Variants in TNRC18 observed in about 807,000 individuals in gnomAD.
The protein encoded by TNRC18 is trinucleotide repeat containing 18.
In TNRC18, 69 loss-of-function variants were observed where a neutral mutation model predicts 226.7. That is an observed-to-expected ratio of 0.30 (90% confidence interval 0.25 to 0.37). The LOEUF (loss-of-function observed/expected upper bound fraction) is 0.37, where lower values mean the gene tolerates loss of function less well. Ranked by LOEUF, TNRC18 falls within the 10% of genes least tolerant of loss-of-function variation. The pLI, the probability that TNRC18 is intolerant of heterozygous loss-of-function variation, is 1.00. For synonymous variants in TNRC18, 2,449 were observed against 1,927.6 expected (o/e 1.27, Z -7.09); for missense variants, 4,754 against 4,256.6 (o/e 1.12, Z -3.25).
At chr7:5,363,034 C>A (rs1409011387) in intron 11 of TNRC18, among the ~76,000 whole-genome samples, 3 of 152,240 alleles carry the variant, frequency 2.0e-5, no homozygotes, top group Admixed American at 2.0e-4. Context: ...TGGCTCACGC[C>A]TGTAATCCCA....
At position 5,316,068 on chromosome 7, in the gene TNRC18, T is replaced by G; in HGVS notation, c.6750A>C (p.Leu2250Phe). 1.9e-6 allele frequency: 3 copies of G among 1,611,098 alleles called. No individual in the cohort carries two copies. Among genetic ancestry groups the G allele is most frequent in the Non-Finnish European group, 2.5e-6 (3 of 1,178,656 alleles). ...CLYPGTVVRG[L>F]LDLEDDGDLI... is the part of the protein sequence containing the mutation. ...AGTCCCCATCGTCCTCCAGGTCCAG[T>G]AACCCTGTGGGAAGAGGGGAGGCTC... The change falls in exon 25 of 30, where the codon TTA (leucine) becomes TTC (phenylalanine). Residue 2250 changes from leucine (L) to phenylalanine (F), a missense_variant. Leu to Phe is a conservative substitution (Grantham distance 22). Coordinates refer to ENST00000430969, the MANE Select transcript of TNRC18 (RefSeq NM_001080495.3).
Position 5,389,199 on chromosome 7 carries a change from G to T in TNRC18, c.625C>A (p.Arg209=). The T allele has an allele frequency of 1.5e-6, 2 of 1,330,756 alleles. No individual in the cohort carries two copies. The highest frequency in any genetic ancestry group is 3.4e-5 in the East Asian group (1 of 29,022). The allele number at this position is 1,330,756 out of a possible 1,614,324, so 82.4% of individuals were successfully genotyped here. A position where few individuals can be genotyped will look rare whatever the true frequency, so the allele number is the denominator to read the frequency against. ...SSSRDGPAKE[R]AGRGGEPPPL... is the part of the protein sequence containing the mutation. ...GGCGGCTCCCCGCCGCGGCCCGCCC[G>T]CTCCTTGGCTGGACCGTCCCGCGAC... Residue 209 remains arginine, a synonymous_variant, in exon 5 of 30, where the codon CGG becomes AGG. Coordinates refer to ENST00000430969, the MANE Select transcript of TNRC18 (RefSeq NM_001080495.3).
intron 2 of TNRC18, among the ~76,000 whole-genome samples, chr7:5,396,950 T>A (rs532801401): frequency 6.6e-6 from 1 of 152,206 alleles, no homozygotes; most frequent in Non-Finnish European, 1.5e-5. Context: ...CCAACCCATC[T>A]TCTTTGGGGT....
In TNRC18 at chr7:5,388,366, T is replaced by A. The variant is rs1779980339; in HGVS notation, c.1458A>T (p.Ala486=). The A allele has an allele frequency of 1.3e-6, 2 of 1,562,282 alleles. No individual in the cohort carries two copies. Among genetic ancestry groups the A allele is most frequent in the East Asian group, 2.4e-5 (1 of 42,068 alleles). Residue 486 remains alanine, a synonymous_variant, in exon 5 of 30, where the codon GCA becomes GCT. Coordinates refer to ENST00000430969, the MANE Select transcript of TNRC18 (RefSeq NM_001080495.3). ...CGAAGAGCTTGGCGGCCTGTTGGGCTGCAGGACCGGCTGGGCCGCGGGGCG... is the reference window on the plus strand; with the variant it reads ...CGAAGAGCTTGGCGGCCTGTTGGGCAGCAGGACCGGCTGGGCCGCGGGGCG... ...ERAPRGPAGP[A]AQQAAKLFGL... is the part of the protein sequence containing the mutation.
chr7:5,317,391 G>A (rs1440315525), intron 24 of TNRC18, among the ~76,000 whole-genome samples: 1 of 152,090 alleles, frequency 6.6e-6, no homozygotes, highest in Non-Finnish European at 1.5e-5. Context: ...CGAGTTCGAG[G>A]CCAGTCAGGC....
intron 21 of TNRC18, among the ~76,000 whole-genome samples, chr7:5,322,710 C>G (rs1295350380): frequency 1.3e-5 from 2 of 152,262 alleles, no homozygotes; most frequent in Non-Finnish European, 2.9e-5. Context: ...CTCTCCCTGC[C>G]CCTGCCAAGA....
At chr7:5,415,670 C>T (rs1323521885) in intron 2 of TNRC18, among the ~76,000 whole-genome samples, 1 of 151,340 alleles carries the variant, frequency 6.6e-6, no homozygotes, top group Non-Finnish European at 1.5e-5. Context: ...CGTGAGCCAC[C>T]GTGCCCAGCC....
Position 5,376,364 on chromosome 7 carries a change from C to G in TNRC18, c.2609-140G>C, listed in dbSNP as rs1020249015. 1.0e-5 allele frequency: 8 copies of G among 771,278 alleles called. No individual in the cohort carries two copies. The African/African-American group carries it at 1.3e-4, about 12-fold the overall frequency. The allele number at this position is 771,278 out of a possible 1,614,324, so 47.8% of individuals were successfully genotyped here. Reference sequence around the variant, plus strand: ...CTCTCTGCGGGCCCCCGGCTGCTCCCCAGGGGCCAGGAAGTTTGTCCTGTC... The same window carrying G: ...CTCTCTGCGGGCCCCCGGCTGCTCCGCAGGGGCCAGGAAGTTTGTCCTGTC... On this transcript the variant is annotated intron_variant, in intron 8 of 29. Transcript: ENST00000430969.
intron 18 of TNRC18, among the ~76,000 whole-genome samples, chr7:5,340,617 C>A (rs1483165847): frequency 6.7e-6 from 1 of 149,982 alleles, no homozygotes; most frequent in African/African-American, 2.4e-5. Context: ...GTGGCGGGTG[C>A]CTGTAATCCC....
Position 5,390,538 on chromosome 7 carries a change from T to A in TNRC18, c.434A>T (p.Gln145Leu), listed in dbSNP as rs1397572668. The A allele has an allele frequency of 1.2e-6, 2 of 1,613,640 alleles. No homozygotes were observed. The highest frequency in any genetic ancestry group is 1.7e-4 in the Middle Eastern group (1 of 6,060). Residue 145 changes from glutamine to leucine, a missense_variant, in exon 4 of 30, where the codon CAG becomes CTG. Coordinates refer to ENST00000430969, the MANE Select transcript of TNRC18 (RefSeq NM_001080495.3). Reference protein sequence around the residue: ...PPSSGSPLLSQLGQPSIFDTQ... With the variant: ...PPSSGSPLLSLLGQPSIFDTQ... ...ATCGAAAATGCTGGGCTGACCCAGC[T>A]GGCTGAGGAGGGGGCTCCCACTGCT...
chr7:5,348,259 C>T (rs1254818576), intron 17 of TNRC18, among the ~76,000 whole-genome samples: 1 of 152,226 alleles, frequency 6.6e-6, no homozygotes, highest in Non-Finnish European at 1.5e-5. Flanking sequence ...TCCAAAGTGC[C>T]ACCCATGAGC....
Position 5,361,979 on chromosome 7 carries a change from G to T in TNRC18, c.4450C>A (p.Arg1484=), listed in dbSNP as rs1467625314. ...EDMDALELDF[R]MRLAEVQRQY... ...CGCTGCACCTCGGCCAGCCGCATCC[G>T]GAAGTCCAGCTCCAGGGCGTCCATG... Residue 1484 remains arginine (R), a synonymous_variant, in exon 13 of 30, where the codon CGG becomes AGG. Transcript: ENST00000430969. 6.2e-7 allele frequency: 1 copy of T among 1,613,412 alleles called. No homozygotes were observed. The highest frequency in any genetic ancestry group is 2.2e-5 in the East Asian group (1 of 44,850).
At position 5,321,780 on chromosome 7, in the gene TNRC18, TCCTG is replaced by T. The variant is rs1340784639; in HGVS notation, c.6443-594_6443-591del. Among the ~76,000 whole-genome samples, 5 of 151,788 alleles carry T rather than the reference TCCTG, an allele frequency of 3.3e-5. No individual in the cohort carries two copies. The South Asian group carries it at 1.0e-3, about 31-fold the overall frequency. ...TCTGCCTCCCAGGTTCAAGCGATTC[TCCTG>T]CCTCAGCCTCCCAAGCAGCTGGAAT... On this transcript the variant is annotated intron_variant, in intron 21 of 29. Transcript: ENST00000430969.
rs1381088336 is a variant in TNRC18, at chr7:5,370,829, C to T, written c.3765G>A (p.Val1255=). The T allele has an allele frequency of 3.7e-6, 6 of 1,609,440 alleles. No homozygotes were observed. Among genetic ancestry groups the T allele is most frequent in the Non-Finnish European group, 5.1e-6 (6 of 1,179,442 alleles). ...LGVQLTPETL[V]EAKEEPVEVP... The stretch of plus-strand genomic sequence containing the variant: ...CCTCCACCGGCTCCTCCTTGGCCTC[C>T]ACCAGTGTCTCGGGTGTCAGCTGCA... The change falls in exon 11 of 30, where the codon GTG becomes GTA. Residue 1255 remains valine, a synonymous_variant. Transcript: ENST00000430969.
chr7:5,384,300 T>G (rs1779604695), intron 5 of TNRC18, among the ~76,000 whole-genome samples: 1 of 151,990 alleles, frequency 6.6e-6, no homozygotes, highest in Non-Finnish European at 1.5e-5. Flanking sequence ...AAGGTCTTGC[T>G]AGGTCGCCCA....
intron 9 of TNRC18, among the ~76,000 whole-genome samples, chr7:5,375,202 G>A (rs911637296): frequency 4.6e-5 from 7 of 152,104 alleles, no homozygotes; most frequent in Admixed American, 2.0e-4. Context: ...CCAGCTACTC[G>A]GGAGGCTGAG....
intron 29 of TNRC18, 38 bp from the exon 30 acceptor site, chr7:5,308,350 G>A (rs867608802): frequency 1.5e-5 from 24 of 1,575,804 alleles, no homozygotes; most frequent in Non-Finnish European, 1.8e-5. Context: ...GCAGGTGGGG[G>A]GCACAGAGGC....
At chr7:5,338,891 G>T (rs1446979316) in intron 18 of TNRC18, among the ~76,000 whole-genome samples, 2 of 140,620 alleles carry the variant, frequency 1.4e-5, no homozygotes, top group South Asian at 4.4e-4. Flanking sequence ...TTGCACTCCA[G>T]CCTGGGCAAT....
Position 5,370,820 on chromosome 7 carries a change from C to T in TNRC18, c.3774G>A (p.Lys1258=). 1.2e-6 allele frequency: 2 copies of T among 1,609,362 alleles called. No homozygotes were observed. The highest frequency in any genetic ancestry group is 8.5e-7 in the Non-Finnish European group (1 of 1,179,268). ...CCACAGGCACCTCCACCGGCTCCTCCTTGGCCTCCACCAGTGTCTCGGGTG... is the reference window on the plus strand; with the variant it reads ...CCACAGGCACCTCCACCGGCTCCTCTTTGGCCTCCACCAGTGTCTCGGGTG... The part of the protein sequence containing the change: ...QLTPETLVEA[K]EEPVEVPVAV... Residue 1258 remains lysine (K), a synonymous_variant, in exon 11 of 30, where the codon AAG becomes AAA. Coordinates refer to ENST00000430969, the MANE Select transcript of TNRC18 (RefSeq NM_001080495.3).
Sources: allele counts gnomAD v4.1 joint callset (sites outside exome capture counted in the v4.1 genomes callset), GRCh38; gene constraint gnomAD v4.1.1; transcripts MANE v1.5; gene names NCBI Gene and HGNC (gene_info 2026-07-23, HGNC 2026-07-21).